Variants in POLK observed in about 807,000 individuals in gnomAD.
The protein encoded by POLK is DNA polymerase kappa, also known as polymerase (DNA directed) kappa.
POLK carries 76 observed loss-of-function variants against 94.0 expected under a neutral mutation model. That is an observed-to-expected ratio of 0.81 (90% CI 0.67 to 0.98). The LOEUF (loss-of-function observed/expected upper bound fraction) is 0.98. POLK is among the 50% of genes least tolerant of loss of function. The pLI, the probability that POLK is intolerant of heterozygous loss-of-function variation, is 0.00. For synonymous variants in POLK, 349 were observed against 325.4 expected (o/e 1.07, Z -0.78); for missense variants, 954 against 1,010.1 (o/e 0.94, Z 0.75).
chr5:75,523,844 T>C (rs1331014916), intron 1 of POLK, among the ~76,000 whole-genome samples: 2 of 152,094 alleles, frequency 1.3e-5, no homozygotes, highest in Non-Finnish European at 2.9e-5. Flanking sequence ...ACTTTCACAT[T>C]GTAGGCTGGG....
chr5:75,531,037 G>C (rs977570383), intron 1 of POLK, among the ~76,000 whole-genome samples: 4 of 151,628 alleles, frequency 2.6e-5, no homozygotes, highest in African/African-American at 9.7e-5. Flanking sequence ...TCGATCTCCT[G>C]ACCTCGTGAT....
chr5:75,535,286 A>G (rs899388505), intron 1 of POLK, among the ~76,000 whole-genome samples: 14 of 152,244 alleles, frequency 9.2e-5, no homozygotes, highest in East Asian at 3.9e-4. Context: ...TAGGTCCCCA[A>G]TCTCTTCTGG....
intron 1 of POLK, among the ~76,000 whole-genome samples, chr5:75,521,561 G>A (rs1768586621): frequency 6.6e-6 from 1 of 152,100 alleles, no homozygotes; most frequent in Admixed American, 6.5e-5. Context: ...TGGTCCAAGA[G>A]CTCACATATC....
chr5:75,512,020 C>G (rs1768052079), intron 1 of POLK, 106 bp downstream of exon 1: 1 of 533,424 alleles, frequency 1.9e-6, no homozygotes, highest in Non-Finnish European at 3.4e-6. Context: ...CGCTTCTATC[C>G]TTGCCTTGTG....
upstream of POLK, chr5:75,511,310 G>C (rs752835961): frequency 6.4e-7 from 1 of 1,552,664 alleles, no homozygotes; most frequent in South Asian, 1.2e-5. Flanking sequence ...GCGAAGCGAA[G>C]AGTGCCCGCT....
intron 3 of POLK, among the ~76,000 whole-genome samples, chr5:75,553,399 A>G (rs888903350): frequency 3.3e-5 from 5 of 151,928 alleles, no homozygotes. Context: ...ATGCTACAAA[A>G]TCCTTCTCTT....
intron 1 of POLK, among the ~76,000 whole-genome samples, chr5:75,513,179 A>G (rs1056073965): frequency 1.3e-5 from 2 of 152,300 alleles, no homozygotes; most frequent in African/African-American, 4.8e-5. Context: ...AGGCATTGCC[A>G]ATATTTATCT....
At chr5:75,607,264 C>T in the POLK span, among the ~76,000 whole-genome samples, 4 of 151,932 alleles carry the variant, frequency 2.6e-5, no homozygotes, top group Non-Finnish European at 4.4e-5. Context: ...GTCAGGAGTT[C>T]GAGACCAGCC....
intron 3 of POLK, among the ~76,000 whole-genome samples, chr5:75,567,100 C>T (rs1771317290): frequency 6.6e-6 from 1 of 152,186 alleles, no homozygotes; most frequent in African/African-American, 2.4e-5. Flanking sequence ...TTGGCAACTA[C>T]ACTTGCTTTA....
At chr5:75,561,740 C>T (rs1266810900) in intron 3 of POLK, among the ~76,000 whole-genome samples, 1 of 152,104 alleles carries the variant, frequency 6.6e-6, no homozygotes, top group Non-Finnish European at 1.5e-5. Context: ...GCAAGTTTTC[C>T]CAACACCATT....
chr5:75,518,432 A>G (rs1348984519), intron 1 of POLK, among the ~76,000 whole-genome samples: 1 of 152,160 alleles, frequency 6.6e-6, no homozygotes, highest in Admixed American at 6.5e-5. Flanking sequence ...ATAGTTGCTC[A>G]TAATAGTATA....
intron 3 of POLK, among the ~76,000 whole-genome samples, chr5:75,565,385 A>G (rs768851455): frequency 5.3e-5 from 8 of 152,016 alleles, no homozygotes; most frequent in South Asian, 4.2e-4. Context: ...ACTTCTGTCA[A>G]TTTGTCAAAC....
At chr5:75,542,814 G>C (rs2112617097) in intron 1 of POLK, among the ~76,000 whole-genome samples, 1 of 150,272 alleles carries the variant, frequency 6.7e-6, no homozygotes, top group East Asian at 1.9e-4. Flanking sequence ...CCAGTTTCAA[G>C]CAATTCTCCT....
At chr5:75,530,211 C>T (rs1328125234) in intron 1 of POLK, among the ~76,000 whole-genome samples, 2 of 147,634 alleles carry the variant, frequency 1.4e-5, no homozygotes, top group African/African-American at 5.0e-5. Context: ...TCTCACATTT[C>T]AGGGTATTCA....
At chr5:75,526,838 A>G (rs1252154911) in intron 1 of POLK, among the ~76,000 whole-genome samples, 1 of 152,028 alleles carries the variant, frequency 6.6e-6, no homozygotes, top group African/African-American at 2.4e-5. Context: ...GCCTCAGCCT[A>G]CCAAAGTGTT....
rs377740896 is a variant in POLK at position 75,567,633 on chromosome 5, A to C, written c.256-1707A>C. ...TGAGAAAATAATTTGAAATCAGATA[A>C]GGTCTTTCTCCTGAAGGAACTGACA... On this transcript the variant is annotated intron_variant, in intron 3 of 14. Coordinates refer to ENST00000241436, the Ensembl canonical transcript of POLK. Among the ~76,000 whole-genome samples, 13 of 152,336 alleles carry C rather than the reference A, an allele frequency of 8.5e-5. No homozygotes were observed. The South Asian group carries it at 2.7e-3, about 32-fold the overall frequency.
chr5:75,537,023 A>T (rs1433492783), intron 1 of POLK, among the ~76,000 whole-genome samples: 1 of 152,110 alleles, frequency 6.6e-6, no homozygotes, highest in Non-Finnish European at 1.5e-5. Context: ...TACCTGTGGC[A>T]AGGGTAGATG....
chr5:75,510,943 A>T (rs1196022416), upstream of POLK, among the ~76,000 whole-genome samples: 4 of 152,034 alleles, frequency 2.6e-5, no homozygotes, highest in African/African-American at 9.7e-5. Context: ...CCCGGGCAAC[A>T]AGGACAGTGC....
chr5:75,594,250 T>C (rs1003089208), intron 12 of POLK, among the ~76,000 whole-genome samples: 1 of 152,190 alleles, frequency 6.6e-6, no homozygotes, highest in Non-Finnish European at 1.5e-5. Context: ...CATCATAAAT[T>C]GAAAGTATTG....
Sources: gnomAD v4.1 joint callset for allele counts (sites outside exome capture counted in the v4.1 genomes callset) on GRCh38, gnomAD v4.1.1 for gene constraint, MANE v1.5 for transcripts, NCBI Gene and HGNC (gene_info 2026-07-23, HGNC 2026-07-21) for gene names.